Variants in HEATR4 observed in about 807,000 individuals in gnomAD.
HEATR4 encodes HEAT repeat containing 4.
In HEATR4, 95 loss-of-function variants were observed where a neutral mutation model predicts 108.8. The ratio of observed to expected loss-of-function variants is 0.87; its 90% confidence interval spans 0.74 to 1.04. HEATR4 has a LOEUF of 1.04. Among genes scored for constraint, HEATR4 ranks in the 50% least tolerant of loss-of-function variants. The pLI is 0.00. For missense variants in HEATR4, 1,152 were observed against 1,253.8 expected (o/e 0.92, Z 1.23); for synonymous variants, 443 against 459.4 (o/e 0.96, Z 0.46).
rs550817393 is a variant in HEATR4, at chr14:73,483,640, GT to G, written c.2845-4799del. On this transcript the variant is annotated intron_variant, in intron 17 of 17. Coordinates refer to ENST00000553558, the MANE Select transcript of HEATR4 (RefSeq NM_001220484.1). ...GTTACTTCATAAAGGAAATGTGAGCGTTTTTTTTTAAGATGTAATTTTAATT... is the reference window on the plus strand; with the variant it reads ...GTTACTTCATAAAGGAAATGTGAGCGTTTTTTTTAAGATGTAATTTTAATT... Among the ~76,000 whole-genome samples the G allele has an allele frequency of 4.6e-5, 7 of 150,682 alleles. No individual in the cohort carries two copies. The East Asian group carries it at 7.8e-4, about 17-fold the overall frequency.
chr14:73,573,237 G>A, the HEATR4 span: 10 of 1,206,922 alleles, frequency 8.3e-6, no homozygotes, highest in Admixed American at 1.9e-5. Context: ...CTTGCCAGAG[G>A]TTTCTGGACG....
In HEATR4 at chr14:73,543,578, G is replaced by C. The variant is rs761380592; in HGVS notation, c.-151-13334C>G. The C allele has an allele frequency of 9.7e-6, 7 of 718,446 alleles. 1 individual carries two copies. Among genetic ancestry groups the C allele is most frequent in the Non-Finnish European group, 2.1e-6 (1 of 477,898 alleles). The allele number at this position is 718,446 out of a possible 1,614,324, so 44.5% of individuals were successfully genotyped here. On this transcript the variant is annotated intron_variant, in intron 1 of 17. Transcript: ENST00000553558. ...CAGGGCTCATGCCATGGCTCAGGTG[G>C]ATGCTTGGAAACAACTCCAGACTTT...
chr14:73,621,710 T>G, the HEATR4 span, among the ~76,000 whole-genome samples: 1 of 152,120 alleles, frequency 6.6e-6, no homozygotes, highest in South Asian at 2.1e-4. Flanking sequence ...TGTTAAACTC[T>G]GTGTTGAGTA....
the HEATR4 span, chr14:73,593,873 A>C: frequency 6.2e-7 from 1 of 1,613,798 alleles, no homozygotes; most frequent in Non-Finnish European, 8.5e-7. Context: ...TACTTCGAAG[A>C]AGCCGTATGC....
chr14:73,535,872 A>G (rs1481074396), intron 1 of HEATR4, among the ~76,000 whole-genome samples: 1 of 116,168 alleles, frequency 8.6e-6, no homozygotes, highest in Non-Finnish European at 1.9e-5. Context: ...GTAAACTGGG[A>G]TTATAGGCGT....
chr14:73,576,409 G>A, the HEATR4 span, among the ~76,000 whole-genome samples: 1 of 151,910 alleles, frequency 6.6e-6, no homozygotes, highest in Non-Finnish European at 1.5e-5. Flanking sequence ...TTACATTCCT[G>A]TTTATACATA....
In HEATR4 at chr14:73,546,228, G is replaced by A. The variant is rs751159970; in HGVS notation, c.-152+12523C>T. The stretch of plus-strand genomic sequence containing the variant: ...ACTCCTGACCTCAGGTGATACACCC[G>A]GCTTGGCCTCCCAAAGTGCCAGGAT... On this transcript the variant is annotated intron_variant, in intron 1 of 17. Coordinates refer to ENST00000553558, the MANE Select transcript of HEATR4 (RefSeq NM_001220484.1). Among the ~76,000 whole-genome samples the A allele has an allele frequency of 1.1e-4, 13 of 113,940 alleles. 2 individuals are homozygous for A. The highest frequency in any genetic ancestry group is 1.7e-4 in the Non-Finnish European group (9 of 52,472). The allele number at this position is 113,940 out of a possible 152,430, so 74.7% of individuals were successfully genotyped here. A position where few individuals can be genotyped will look rare whatever the true frequency, so the allele number is the denominator to read the frequency against.
chr14:73,619,354 ACAG>A, the HEATR4 span: 2 of 1,614,188 alleles, frequency 1.2e-6, no homozygotes, highest in East Asian at 4.5e-5. Flanking sequence ...TGTAGCCAAC[ACAG>A]TAGCTCCTCT....
chr14:73,499,669 A>G (rs1454708053), intron 12 of HEATR4, among the ~76,000 whole-genome samples: 2 of 152,170 alleles, frequency 1.3e-5, no homozygotes, highest in Non-Finnish European at 2.9e-5. Context: ...TTCTCAGTCT[A>G]CAGATCTGGG....
chr14:73,528,073 T>C (rs771419560), intron 2 of HEATR4, among the ~76,000 whole-genome samples: 2 of 149,022 alleles, frequency 1.3e-5, no homozygotes, highest in African/African-American at 2.5e-5. Flanking sequence ...CCAGAAAGAA[T>C]ACCATATTAC....
chr14:73,613,019 C>T, the HEATR4 span: 24 of 896,742 alleles, frequency 2.7e-5, no homozygotes, highest in Admixed American at 6.9e-4. Context: ...CGCGCTCTTC[C>T]TGCCGCCGGA....
the HEATR4 span, among the ~76,000 whole-genome samples, chr14:73,570,442 G>A: frequency 6.6e-6 from 1 of 152,044 alleles, no homozygotes; most frequent in South Asian, 2.1e-4. Flanking sequence ...AGTAGCGGGC[G>A]CCTGTAGTCC....
the HEATR4 span, among the ~76,000 whole-genome samples, chr14:73,615,640 G>A: frequency 6.6e-6 from 1 of 152,006 alleles, no homozygotes; most frequent in Non-Finnish European, 1.5e-5. Context: ...TGAGGCAGGA[G>A]AATCGCTTGA....
chr14:73,591,669 G>C, the HEATR4 span: 1 of 364,042 alleles, frequency 2.7e-6, no homozygotes, highest in Non-Finnish European at 4.9e-6. Flanking sequence ...CAACAACCGA[G>C]GGTGGTGTGA....
intron 2 of HEATR4, among the ~76,000 whole-genome samples, chr14:73,529,490 TA>T (rs1229348428): frequency 6.6e-6 from 1 of 152,146 alleles, no homozygotes; most frequent in Admixed American, 6.6e-5. Context: ...TTGGAAGGGT[TA>T]GGCTACATGC....
the HEATR4 span, among the ~76,000 whole-genome samples, chr14:73,613,357 AT>A: frequency 6.6e-6 from 1 of 152,080 alleles, no homozygotes; most frequent in East Asian, 1.9e-4. Context: ...TCAACTTATT[AT>A]ATATTTATTG....
rs995868214 is a variant in HEATR4 at position 73,553,205 on chromosome 14, T to G, written c.-152+5546A>C. On this transcript the variant is annotated intron_variant, in intron 1 of 17. Coordinates refer to ENST00000553558, the MANE Select transcript of HEATR4 (RefSeq NM_001220484.1). Reference sequence around the variant, plus strand: ...CTCCCCCAGGTGCCAAGTCCCCACTTTTTAATACTATCGCATTGAGGCTGG... The same window carrying G: ...CTCCCCCAGGTGCCAAGTCCCCACTGTTTAATACTATCGCATTGAGGCTGG... Among the ~76,000 whole-genome samples the G allele has an allele frequency of 5.2e-5, 6 of 114,346 alleles. 2 individuals carry two copies. The highest frequency in any genetic ancestry group is 1.2e-4 in the Non-Finnish European group (6 of 51,970). 75.0% of individuals were successfully genotyped at this position (114,346 alleles called of 152,430 possible).
At chr14:73,591,918 G>A in the HEATR4 span, 11 of 1,351,888 alleles carry the variant, frequency 8.1e-6, no homozygotes, top group Non-Finnish European at 1.0e-5. Flanking sequence ...TCTTGGACGG[G>A]TCTCGGGCCT....
intron 16 of HEATR4, among the ~76,000 whole-genome samples, chr14:73,494,186 TA>T (rs1885962795): frequency 6.6e-6 from 1 of 152,210 alleles, no homozygotes; most frequent in South Asian, 2.1e-4. Context: ...GACAAGTGAA[TA>T]TTCTCATGGT....
Sources: gnomAD v4.1 joint callset for allele counts (sites outside exome capture counted in the v4.1 genomes callset) on GRCh38, gnomAD v4.1.1 for gene constraint, MANE v1.5 for transcripts, NCBI Gene and HGNC (gene_info 2026-07-23, HGNC 2026-07-21) for gene names.